The following KANK1 variants were observed in gnomAD, a reference collection of about 807,000 sequenced individuals.
The protein encoded by KANK1 is KN motif and ankyrin repeat domains 1, also known as KN motif and ankyrin repeat domain-containing protein 1.
KANK1 carries 109 observed loss-of-function variants against 106.2 expected under a neutral mutation model. That is an observed-to-expected ratio of 1.03 (90% CI 0.88 to 1.20). The LOEUF is 1.20. Ranked by LOEUF, KANK1 falls within the 50% of genes most tolerant of loss-of-function variation. The pLI is 0.00. For missense variants in KANK1, 2,399 were observed against 1,710.7 expected, an observed-to-expected ratio of 1.40 and a Z score of -7.10; for synonymous variants, 873 against 652.2, an observed-to-expected ratio of 1.34 and a Z score of -5.16.
rs35377139 is a variant in KANK1, at chr9:524,982, CTT to C, written c.-84+20249_-84+20250del. Among the ~76,000 whole-genome samples, 7 of 91,956 alleles carry C rather than the reference CTT, an allele frequency of 7.6e-5. No individual in the cohort carries two copies. The East Asian group carries it at 1.8e-3, about 24-fold the overall frequency. The allele number at this position is 91,956 out of a possible 152,430, so 60.3% of individuals were successfully genotyped here. On this transcript the variant is annotated intron_variant, in intron 1 of 11. Transcript: ENST00000382297. The stretch of plus-strand genomic sequence containing the variant: ...TTAGTCAATCCCAAACTCTTGCTGC[CTT>C]TTTTTTTTTTTTTTTTTTTTGAGGC...
At chr9:526,320 C>G (rs1441054828) in intron 1 of KANK1, among the ~76,000 whole-genome samples, 1 of 151,640 alleles carries the variant, frequency 6.6e-6, no homozygotes, top group East Asian at 1.9e-4. Flanking sequence ...AAGTCTTAGA[C>G]TTAGATGTGA....
At chr9:659,503 G>C (rs750185356) in intron 1 of KANK1, among the ~76,000 whole-genome samples, 2 of 152,118 alleles carry the variant, frequency 1.3e-5, no homozygotes, top group Non-Finnish European at 2.9e-5. Context: ...AACCCACTTT[G>C]AGAACTGTAT....
chr9:562,894 T>C (rs1389562), intron 1 of KANK1, among the ~76,000 whole-genome samples: 65,357 of 151,972 alleles, frequency 0.43, 16,619 homozygotes, highest in South Asian at 0.6. Context: ...AAAATGAAAT[T>C]AGCATTTCAT....
chr9:693,097 C>T (rs1229683892), intron 2 of KANK1, among the ~76,000 whole-genome samples: 4 of 151,730 alleles, frequency 2.6e-5, no homozygotes, highest in Admixed American at 1.3e-4. Flanking sequence ...AAAGGTTGCT[C>T]GAAGATGTTA....
At chr9:721,773 C>G (rs756231567) in intron 3 of KANK1, among the ~76,000 whole-genome samples, 15 of 152,336 alleles carry the variant, frequency 9.8e-5, no homozygotes, top group Non-Finnish European at 1.9e-4. Context: ...ATTAATCTTA[C>G]AGTCTGCTGT....
In KANK1 at chr9:624,692, G is replaced by A. The variant is rs1471181480; in HGVS notation, c.-83-52198G>A. Among the ~76,000 whole-genome samples the A allele has an allele frequency of 2.6e-5, 4 of 152,142 alleles. No homozygotes were observed. In the East Asian group the frequency reaches 7.8e-4, roughly 29 times the overall value. On this transcript the variant is annotated intron_variant, in intron 1 of 11. Coordinates refer to ENST00000382297, the MANE Select transcript of KANK1 (RefSeq NM_015158.5). ...GTCATTCCTGTAGTCCCAGCTACTC[G>A]GGAGGCTGAGGCAGGAGAATCACTT...
chr9:576,473 C>A (rs1587958971), intron 1 of KANK1, among the ~76,000 whole-genome samples: 1 of 152,182 alleles, frequency 6.6e-6, no homozygotes, highest in South Asian at 2.1e-4. Context: ...TTGCATTTAG[C>A]CCTCATGCCA....
At chr9:637,341 A>G (rs1234724556) in intron 1 of KANK1, among the ~76,000 whole-genome samples, 1 of 152,170 alleles carries the variant, frequency 6.6e-6, no homozygotes, top group Non-Finnish European at 1.5e-5. Flanking sequence ...CTTTGTTTAG[A>G]AAATGGAGGG....
chr9:595,727 G>A (rs1022479901), intron 1 of KANK1, among the ~76,000 whole-genome samples: 1 of 151,628 alleles, frequency 6.6e-6, no homozygotes, highest in African/African-American at 2.4e-5. Flanking sequence ...TTGCTTTGTT[G>A]CCCAGGTTGG....
At chr9:626,809 C>T (rs903595341) in intron 1 of KANK1, among the ~76,000 whole-genome samples, 1 of 152,218 alleles carries the variant, frequency 6.6e-6, no homozygotes, top group Non-Finnish European at 1.5e-5. Context: ...AACTAGGATA[C>T]AAGCTGTAAT....
chr9:592,524 C>T (rs546748315), intron 1 of KANK1, among the ~76,000 whole-genome samples: 9 of 151,914 alleles, frequency 5.9e-5, no homozygotes, highest in African/African-American at 2.2e-4. Flanking sequence ...TGTCTAAGTA[C>T]GTTTTTTCAT....
At chr9:725,706 C>G (rs755543098) in intron 3 of KANK1, among the ~76,000 whole-genome samples, 9 of 152,070 alleles carry the variant, frequency 5.9e-5, no homozygotes, top group Non-Finnish European at 1.2e-4. Context: ...GCAGCATGTT[C>G]CTGGGAATCT....
chr9:710,870 C>T lies in KANK1; in HGVS notation c.104C>T (p.Thr35Ile). 3 of 1,613,756 alleles carry T rather than the reference C, an allele frequency of 1.9e-6. No individual in the cohort carries two copies. Among genetic ancestry groups the T allele is most frequent in the Non-Finnish European group, 2.5e-6 (3 of 1,179,728 alleles). The stretch of plus-strand genomic sequence containing the variant: ...CAGAAAGACCCTTACTTTGTGGAGA[C>T]CCCCTATGGTTATCAACTAGACTTA... ...KEQKDPYFVE[T>I]PYGYQLDLDF... is the part of the protein sequence containing the mutation. The change falls in exon 3 of 12, where the codon ACC (threonine) becomes ATC (isoleucine). Residue 35 changes from threonine (T) to isoleucine (I), a missense_variant. By Grantham distance (89) the Thr-to-Ile change is moderately conservative. Transcript: ENST00000382297.
chr9:611,466 T>C (rs1242680068), intron 1 of KANK1, among the ~76,000 whole-genome samples: 2 of 152,184 alleles, frequency 1.3e-5, no homozygotes, highest in African/African-American at 4.8e-5. Context: ...CTGTCTCTCA[T>C]GCTTTTCAGA....
intron 11 of KANK1, 87 bp downstream of exon 11, chr9:744,676 G>T (rs749781635): frequency 1.2e-6 from 2 of 1,609,412 alleles, no homozygotes; most frequent in Admixed American, 3.4e-5. Flanking sequence ...ACGGGAGACA[G>T]ATTTTATGTT....
chr9:621,955 G>A (rs529541133), intron 1 of KANK1, among the ~76,000 whole-genome samples: 27 of 152,166 alleles, frequency 1.8e-4, no homozygotes, highest in Admixed American at 9.2e-4. Flanking sequence ...AGCCTCTTGG[G>A]AAGGAAGGAG....
chr9:600,264 C>T (rs1429720299), intron 1 of KANK1, among the ~76,000 whole-genome samples: 2 of 151,666 alleles, frequency 1.3e-5, no homozygotes, highest in African/African-American at 2.4e-5. Flanking sequence ...ATTCTAGGTA[C>T]CTCATAAGTG....
At chr9:558,370 C>T (rs752544431) in intron 1 of KANK1, among the ~76,000 whole-genome samples, 4 of 152,200 alleles carry the variant, frequency 2.6e-5, no homozygotes, top group Non-Finnish European at 5.9e-5. Flanking sequence ...AGCCATTGCT[C>T]CTAGGGGAAC....
intron 3 of KANK1, among the ~76,000 whole-genome samples, chr9:715,716 CT>C (rs1421834324): frequency 2.6e-4 from 39 of 152,208 alleles, no homozygotes; most frequent in African/African-American, 9.4e-4. Context: ...ATGGCAGCCC[CT>C]CTCAGAGCAC....
Sources: allele counts gnomAD v4.1 joint callset (sites outside exome capture counted in the v4.1 genomes callset), GRCh38; gene constraint gnomAD v4.1.1; transcripts MANE v1.5; gene names NCBI Gene and HGNC (gene_info 2026-07-23, HGNC 2026-07-21).